The following SNX29 variants were observed in gnomAD, a reference collection of about 807,000 sequenced individuals.
SNX29 encodes sorting nexin-29.
In SNX29, 78 loss-of-function variants were observed where a neutral mutation model predicts 102.1. That is an observed-to-expected ratio of 0.76 (90% CI 0.64 to 0.92). The LOEUF (loss-of-function observed/expected upper bound fraction) is 0.92. Among genes scored for constraint, SNX29 ranks in the 40% least tolerant of loss-of-function variants. The probability of loss-of-function intolerance (pLI) is 0.00; values close to 1 mark genes in which losing one functional copy is unlikely to be tolerated. For missense variants in SNX29, 1,280 were observed against 1,061.7 expected (o/e 1.21, Z -2.86); for synonymous variants, 580 against 414.5 (o/e 1.40, Z -4.85).
At chr16:12,273,883 C>T (rs1301881557) in intron 14 of SNX29, among the ~76,000 whole-genome samples, 2 of 152,214 alleles carry the variant, frequency 1.3e-5, no homozygotes, top group East Asian at 3.8e-4. Context: ...TGAATGCTCT[C>T]ACGGTCTATC....
chr16:12,134,579 A>G (rs2054591787), intron 13 of SNX29, among the ~76,000 whole-genome samples: 1 of 152,210 alleles, frequency 6.6e-6, no homozygotes, highest in African/African-American at 2.4e-5. Context: ...CAGGAGCAGG[A>G]GAAGAGAGCG....
At chr16:12,273,283 C>G (rs888399291) in intron 14 of SNX29, among the ~76,000 whole-genome samples, 3 of 151,898 alleles carry the variant, frequency 2.0e-5, no homozygotes, top group South Asian at 2.1e-4. Flanking sequence ...ATATAATGCA[C>G]ATAACATACT....
At chr16:12,441,148 C>T (rs11866440) in intron 18 of SNX29, among the ~76,000 whole-genome samples, 64,236 of 143,808 alleles carry the variant, frequency 0.45, 14,253 homozygotes, top group African/African-American at 0.51. Context: ...AGTGCAGTGG[C>T]GCTATCTCGG....
chr16:12,027,214 C>T, intron 3 of SNX29, 106 bp from the exon 4 acceptor site: 1 of 1,428,540 alleles, frequency 7.0e-7, no homozygotes, highest in Non-Finnish European at 9.5e-7. Flanking sequence ...TGCCTTCACG[C>T]TGAGGTTTAC....
intron 1 of SNX29, among the ~76,000 whole-genome samples, chr16:11,988,492 G>A (rs145189819): frequency 3.9e-5 from 6 of 152,168 alleles, no homozygotes; most frequent in Middle Eastern, 3.4e-3. Flanking sequence ...TGACCTATAG[G>A]CTCAAGTGAT....
chr16:12,043,207 C>T (rs1322085283), intron 5 of SNX29, 130 bp downstream of exon 5: 2 of 1,190,556 alleles, frequency 1.7e-6, no homozygotes, highest in African/African-American at 3.0e-5. Flanking sequence ...TCTGACAGCT[C>T]CGGAGTGTTC....
At chr16:12,022,284 T>C (rs1389035952) in intron 3 of SNX29, among the ~76,000 whole-genome samples, 1 of 151,746 alleles carries the variant, frequency 6.6e-6, no homozygotes, top group Non-Finnish European at 1.5e-5. Flanking sequence ...CACTGCGACC[T>C]CCGCCTCCCG....
intron 18 of SNX29, among the ~76,000 whole-genome samples, chr16:12,436,080 G>A (rs75362465): frequency 0.013 from 1,949 of 152,288 alleles, 52 homozygotes; most frequent in African/African-American, 0.044. Context: ...TTGGGGCGCC[G>A]CACACACCGT....
intron 14 of SNX29, among the ~76,000 whole-genome samples, chr16:12,223,777 G>C (rs1171789503): frequency 6.6e-6 from 1 of 152,206 alleles, no homozygotes; most frequent in Non-Finnish European, 1.5e-5. Context: ...GACCTAGAGG[G>C]GACCTTTTCA....
chr16:12,459,063 ACCTCCTCCTCCCCGGTCCACTCCCC>A (rs1567584726), intron 18 of SNX29, among the ~76,000 whole-genome samples: 1 of 16,348 alleles, frequency 6.1e-5, no homozygotes, highest in African/African-American at 2.5e-4. Context: ...TTCTTCCCCC[ACCTCCTCCTCCCCGGTCCACTCCCC>A]CCTCCTCCCA....
chr16:12,433,282 T>G (rs2085389775), intron 18 of SNX29, among the ~76,000 whole-genome samples: 2 of 152,112 alleles, frequency 1.3e-5, no homozygotes, highest in Non-Finnish European at 2.9e-5. Context: ...TCCTCTGCCT[T>G]AACGTCCACT....
In SNX29 at chr16:12,564,703, T is replaced by TGCA. The variant is rs545894135; in HGVS notation, c.2319-3802_2319-3800dup. On this transcript the variant is annotated intron_variant, in intron 20 of 20. Transcript: ENST00000566228. Reference sequence around the variant, plus strand: ...TCCTCTGTTGCTTAGGCCCCAGAGCTGCAAGCCCACTTTGTTATAAAAATG... The same window carrying TGCA: ...TCCTCTGTTGCTTAGGCCCCAGAGCTGCAGCAAGCCCACTTTGTTATAAAAATG... Among the ~76,000 whole-genome samples the TGCA allele has an allele frequency of 7.5e-4, 114 of 152,278 alleles. 2 individuals are homozygous for TGCA. The highest frequency in any genetic ancestry group is 2.7e-3 in the African/African-American group (112 of 41,558).
At chr16:12,561,420 T>C (rs1567204475) in intron 20 of SNX29, among the ~76,000 whole-genome samples, 2 of 152,166 alleles carry the variant, frequency 1.3e-5, no homozygotes, top group African/African-American at 2.4e-5. Context: ...CAGTCCTAGC[T>C]GGGTTGCAGG....
intron 20 of SNX29, among the ~76,000 whole-genome samples, chr16:12,561,743 ATGGAGT>A (rs1482111731): frequency 1.3e-5 from 2 of 152,188 alleles, no homozygotes; most frequent in Admixed American, 1.3e-4. Flanking sequence ...GAGGATGGAG[ATGGAGT>A]TTCTGAAATG....
At chr16:12,399,482 C>A (rs2083853161) in intron 17 of SNX29, among the ~76,000 whole-genome samples, 1 of 152,228 alleles carries the variant, frequency 6.6e-6, no homozygotes, top group South Asian at 2.1e-4. Context: ...GGAAGAAAAG[C>A]CCGGGAAAAG....
chr16:12,528,725 T>A (rs2076853372), intron 20 of SNX29, among the ~76,000 whole-genome samples: 1 of 152,206 alleles, frequency 6.6e-6, no homozygotes, highest in African/African-American at 2.4e-5. Flanking sequence ...TCTCCACTGC[T>A]CCCACGGCCC....
At chr16:12,562,355 T>G (rs1275787015) in intron 20 of SNX29, among the ~76,000 whole-genome samples, 1 of 150,130 alleles carries the variant, frequency 6.7e-6, no homozygotes, top group African/African-American at 2.5e-5. Flanking sequence ...TCCCCCTTTA[T>G]TTTTGCTTGC....
At chr16:12,330,746 G>GA (rs1346731289) in intron 15 of SNX29, among the ~76,000 whole-genome samples, 2 of 152,178 alleles carry the variant, frequency 1.3e-5, no homozygotes, top group African/African-American at 4.8e-5. Flanking sequence ...CTTGCTCCCA[G>GA]AAAATCACTT....
chr16:12,497,382 C>T (rs1040751392), intron 19 of SNX29, among the ~76,000 whole-genome samples: 6 of 152,168 alleles, frequency 3.9e-5, no homozygotes, highest in African/African-American at 1.4e-4. Context: ...TCTCATAGGG[C>T]CTCCGAGTCA....
Sources: allele counts gnomAD v4.1 joint callset (sites outside exome capture counted in the v4.1 genomes callset), GRCh38; gene constraint gnomAD v4.1.1; transcripts MANE v1.5; gene names NCBI Gene and HGNC (gene_info 2026-07-23, HGNC 2026-07-21).